The following ZFYVE28 variants were observed in gnomAD, a reference collection of about 807,000 sequenced individuals.
ZFYVE28 encodes lateral signaling target protein 2 homolog.
Under a neutral mutation model 82.1 loss-of-function variants are expected in ZFYVE28, and 40 were observed. That is an observed-to-expected ratio of 0.49 (90% CI 0.38 to 0.63). The LOEUF (loss-of-function observed/expected upper bound fraction) is 0.63, where lower values mean the gene tolerates loss of function less well. Ranked by LOEUF, ZFYVE28 falls within the 30% of genes least tolerant of loss-of-function variation. The pLI, the probability that ZFYVE28 is intolerant of heterozygous loss-of-function variation, is 0.00. For missense variants in ZFYVE28, 1,321 were observed against 1,242.1 expected (o/e 1.06, Z -0.96); for synonymous variants, 612 against 546.1 (o/e 1.12, Z -1.68).
At position 2,418,383 on chromosome 4, in the gene ZFYVE28, G is replaced by A; in HGVS notation, c.-60C>T. ...CTCGCCCTCCGCAGCGCTGCGCCCGGGCCCGGCTGAGGCGCGGGGCGGACG... is the reference window on the plus strand; with the variant it reads ...CTCGCCCTCCGCAGCGCTGCGCCCGAGCCCGGCTGAGGCGCGGGGCGGACG... On this transcript the variant is annotated 5_prime_UTR_variant, in exon 1 of 13. Transcript: ENST00000290974. This position sits in a 1 kb window ranked among gnomAD's most constrained non-coding sequence, Gnocchi z 4.6. 2 of 1,237,414 alleles carry A rather than the reference G, an allele frequency of 1.6e-6. No homozygotes were observed. Among genetic ancestry groups the A allele is most frequent in the Non-Finnish European group, 2.0e-6 (2 of 984,202 alleles). 76.7% of individuals were successfully genotyped at this position (1,237,414 alleles called of 1,614,324 possible). A position where few individuals can be genotyped will look rare whatever the true frequency, so the allele number is the denominator to read the frequency against.
intron 9 of ZFYVE28, 91 bp from the exon 10 acceptor site, chr4:2,273,380 A>G: frequency 9.0e-7 from 1 of 1,107,398 alleles, no homozygotes. Context: ...ACCCAGCCAG[A>G]GCTCACAGCC....
At chr4:2,413,026 C>G (rs1732682113) in intron 1 of ZFYVE28, among the ~76,000 whole-genome samples, 1 of 152,182 alleles carries the variant, frequency 6.6e-6, no homozygotes, top group Non-Finnish European at 1.5e-5. Context: ...AAGCGCCCAG[C>G]CCTGCCCTGC....
chr4:2,415,451 T>TACACACACACACACACACACAC (rs58420760), intron 1 of ZFYVE28, among the ~76,000 whole-genome samples: 61 of 147,268 alleles, frequency 4.1e-4, no homozygotes, highest in African/African-American at 1.5e-3. Flanking sequence ...ACCCTGTCTC[T>TACACACACACACACACACACAC]ACACACACAC....
intron 1 of ZFYVE28, among the ~76,000 whole-genome samples, chr4:2,388,843 C>A (rs1729538652): frequency 6.6e-6 from 1 of 152,136 alleles, no homozygotes; most frequent in South Asian, 2.1e-4. Flanking sequence ...TGGAGAGTCA[C>A]CCTGGTGGGA....
chr4:2,350,173 T>C (rs965783803), intron 2 of ZFYVE28, among the ~76,000 whole-genome samples: 1 of 152,118 alleles, frequency 6.6e-6, no homozygotes, highest in African/African-American at 2.4e-5. Flanking sequence ...TTAGAAAGTA[T>C]GATATTGTAG....
chr4:2,396,053 T>C (rs34232985), intron 1 of ZFYVE28, among the ~76,000 whole-genome samples: 12,655 of 136,858 alleles, frequency 0.092, 702 homozygotes, highest in African/African-American at 0.16. Context: ...TGGGACAAGC[T>C]ATCCTGCAGA....
Position 2,341,726 on chromosome 4 carries a change from A to C in ZFYVE28, c.181-111T>G. The stretch of plus-strand genomic sequence containing the variant: ...TGTGACTGTTTTTTAGGATTATTAA[A>C]GTGATAGAGGAGGCTAGGCACGGTG... On this transcript the variant is annotated intron_variant, in intron 2 of 12. Transcript: ENST00000290974. The surrounding 1 kb of genome is among the most constrained non-coding windows in gnomAD (Gnocchi z 4.5). 2.7e-6 allele frequency: 4 copies of C among 1,470,652 alleles called. No individual in the cohort carries two copies. The South Asian group carries it at 5.2e-5, about 19-fold the overall frequency. 91.1% of individuals were successfully genotyped at this position (1,470,652 alleles called of 1,614,324 possible). A position where few individuals can be genotyped will look rare whatever the true frequency, so the allele number is the denominator to read the frequency against.
At chr4:2,334,770 A>ACTTCCGCCTCCCCT (rs1721345126) in intron 6 of ZFYVE28, among the ~76,000 whole-genome samples, 1 of 6,400 alleles carries the variant, frequency 1.6e-4, no homozygotes, top group Non-Finnish European at 3.0e-4. Flanking sequence ...CCCCCTCCCC[A>ACTTCCGCCTCCCCT]CTTCCGCCTC....
chr4:2,323,867 A>G (rs970246693), intron 6 of ZFYVE28, among the ~76,000 whole-genome samples: 1 of 152,144 alleles, frequency 6.6e-6, no homozygotes, highest in African/African-American at 2.4e-5. Context: ...TACAAAGGAC[A>G]TGAACTCATC....
rs895165247 is a variant in ZFYVE28, at chr4:2,300,418, A to C, written c.2051+3871T>G. Among the ~76,000 whole-genome samples, 7 of 152,342 alleles carry C rather than the reference A, an allele frequency of 4.6e-5. No homozygotes were observed. The highest frequency in any genetic ancestry group is 1.7e-4 in the African/African-American group (7 of 41,574). Reference sequence around the variant, plus strand: ...AGGTCGGAAAGAAGCCAGTAAAATGAAAAGAGCTGAAGGGCGTAGGTTCCA... The same window carrying C: ...AGGTCGGAAAGAAGCCAGTAAAATGCAAAGAGCTGAAGGGCGTAGGTTCCA... On this transcript the variant is annotated intron_variant, in intron 8 of 12. Transcript: ENST00000290974. The surrounding 1 kb of genome is among the most constrained non-coding windows in gnomAD (Gnocchi z 4.6).
At chr4:2,343,307 A>G (rs1417974355) in intron 2 of ZFYVE28, 1 of 152,064 alleles carries the variant, frequency 6.6e-6, no homozygotes, top group African/African-American at 2.4e-5. Context: ...TGACACTCTC[A>G]CCTTGGCAAT....
chr4:2,384,281 G>A (rs1328849307), intron 1 of ZFYVE28, among the ~76,000 whole-genome samples: 3 of 152,222 alleles, frequency 2.0e-5, no homozygotes, highest in Non-Finnish European at 2.9e-5. Context: ...CTTTATCTGC[G>A]AAGAGGAAAC....
At chr4:2,298,399 C>T (rs1714985143) in intron 8 of ZFYVE28, among the ~76,000 whole-genome samples, 1 of 152,202 alleles carries the variant, frequency 6.6e-6, no homozygotes. Flanking sequence ...GTTCACCAGG[C>T]ACTGCCTTTC....
rs757963810 is a variant in ZFYVE28 at position 2,313,798 on chromosome 4, G to A, written c.803+6372C>T. ...TGCAATTCAGAGGTTGCAATGAGCC[G>A]AGATCGCACCACTGCACTCCAGCCT... On this transcript the variant is annotated intron_variant, in intron 7 of 12. Coordinates refer to ENST00000290974, the MANE Select transcript of ZFYVE28 (RefSeq NM_020972.3). 5.4e-5 allele frequency among the ~76,000 whole-genome samples: 8 copies of A among 147,842 alleles called. No homozygotes were observed. In the South Asian group the frequency reaches 6.3e-4, roughly 12 times the overall value.
rs945642780 is a variant in ZFYVE28 at position 2,337,342 on chromosome 4, G to A, written c.611+65C>T. On this transcript the variant is annotated intron_variant, in intron 5 of 12. Coordinates refer to ENST00000290974, the MANE Select transcript of ZFYVE28 (RefSeq NM_020972.3). ...TTCCCCCAGAGCTGCCCTCTGCCCC[G>A]GGCCTGGAGTGAGGCAGGGACTCCC... 172 of 1,438,148 alleles carry A rather than the reference G, an allele frequency of 1.2e-4. 1 individual carries two copies. In the East Asian group the frequency reaches 3.9e-3, roughly 32 times the overall value. The allele number at this position is 1,438,148 out of a possible 1,614,324, so 89.1% of individuals were successfully genotyped here. A position where few individuals can be genotyped will look rare whatever the true frequency, so the allele number is the denominator to read the frequency against.
At chr4:2,390,191 A>G (rs1729683608) in intron 1 of ZFYVE28, among the ~76,000 whole-genome samples, 1 of 152,240 alleles carries the variant, frequency 6.6e-6, no homozygotes, top group Non-Finnish European at 1.5e-5. Context: ...CAAGGCAGAC[A>G]GAGCCAGCAA....
chr4:2,328,916 T>A, intron 6 of ZFYVE28: 1 of 429,390 alleles, frequency 2.3e-6, no homozygotes, highest in Non-Finnish European at 4.1e-6. Flanking sequence ...GGCCCCCTTG[T>A]CAATAATCAG....
At chr4:2,399,113 A>C (rs1182782132) in intron 1 of ZFYVE28, among the ~76,000 whole-genome samples, 1 of 7,544 alleles carries the variant, frequency 1.3e-4, no homozygotes, top group Admixed American at 1.6e-3. Flanking sequence ...AGCTGGGGCA[A>C]GATGGAGGGC....
intron 8 of ZFYVE28, among the ~76,000 whole-genome samples, chr4:2,292,666 A>C (rs920149436): frequency 6.6e-6 from 1 of 152,230 alleles, no homozygotes; most frequent in East Asian, 1.9e-4. Flanking sequence ...TTTTGTAGTC[A>C]AAAATCTTCG....
Sources: gnomAD v4.1 joint callset for allele counts (sites outside exome capture counted in the v4.1 genomes callset) on GRCh38, gnomAD v4.1.1 for gene constraint, Gnocchi (gnomAD v3.1) non-coding constraint, MANE v1.5 for transcripts, NCBI Gene and HGNC (gene_info 2026-07-23, HGNC 2026-07-21) for gene names.